GTF3C1: variants seen among roughly 807,000 people sequenced by gnomAD.
GTF3C1 encodes the protein general transcription factor IIIC subunit 1, also known as general transcription factor 3C polypeptide 1.
In GTF3C1, 57 loss-of-function variants were observed where a neutral mutation model predicts 226.7. The ratio of observed to expected loss-of-function variants is 0.25; its 90% CI spans 0.20 to 0.31. The LOEUF (loss-of-function observed/expected upper bound fraction) is 0.31. Among genes scored for constraint, GTF3C1 ranks in the 10% least tolerant of loss-of-function variants. The pLI is 1.00. For synonymous variants in GTF3C1, 1,090 were observed against 1,084.8 expected (o/e 1.00, Z -0.09); for missense variants, 2,217 against 2,776.1 (o/e 0.80, Z 4.53).
Position 27,489,169 on chromosome 16 carries a change from A to C in GTF3C1, c.3303T>G (p.Arg1101=), listed in dbSNP as rs1235135542. 6.2e-7 allele frequency: 1 copy of C among 1,614,106 alleles called. No individual in the cohort carries two copies. Among genetic ancestry groups the C allele is most frequent in the Admixed American group, 1.7e-5 (1 of 60,024 alleles). The change falls in exon 21 of 37, where the codon CGT becomes CGG. Residue 1101 remains arginine, a synonymous_variant. Coordinates refer to ENST00000356183, the MANE Select transcript of GTF3C1 (RefSeq NM_001520.4). Reference sequence around the variant, plus strand: ...GGATCAAGCCTTCATCCACCACCTCACGGCTTCCACTAAAAGACAGGAAAT... The same window carrying C: ...GGATCAAGCCTTCATCCACCACCTCCCGGCTTCCACTAAAAGACAGGAAAT... ...CAMLEYTTGS[R]EVVDEGLIPG...
rs199881803 is a variant in GTF3C1, at chr16:27,488,389, C to T, written c.3538G>A (p.Glu1180Lys). 20 of 1,612,596 alleles carry T rather than the reference C, an allele frequency of 1.2e-5. No homozygotes were observed. Among genetic ancestry groups the T allele is most frequent in the Non-Finnish European group, 1.5e-5 (18 of 1,178,634 alleles). ...CAGAGCTCGGAGCCTACTCTTGCTT[C>T]CCCCCAAATATTCAACCTGCTGTTG... ...RGNSRLNIWG[E>K]ARVGSELCAG... Residue 1180 changes from glutamate (E) to lysine (K), a missense_variant, in exon 23 of 37, where the codon GAA (glutamate) becomes AAA (lysine). This residue lies in a region of GTF3C1 where 546 missense variants were observed against 663.0 expected (regional missense o/e 0.82). Transcript: ENST00000356183.
intron 16 of GTF3C1, 27 bp from the exon 17 acceptor site, chr16:27,493,323 T>G: frequency 8.2e-7 from 1 of 1,218,196 alleles, no homozygotes; most frequent in African/African-American, 1.5e-5. Context: ...CAGGTTCAGC[T>G]CGCCCTGAGG....
In GTF3C1 at chr16:27,508,686, C is replaced by T. The variant is rs371121647; in HGVS notation, c.1127-31G>A. On this transcript the variant is annotated intron_variant, in intron 7 of 36. Transcript: ENST00000356183. ...AGAAACAATACACGTGAACCCAAACCGCTGCAAAGGAGCTGTTCTGCACAA... is the reference window on the plus strand; with the variant it reads ...AGAAACAATACACGTGAACCCAAACTGCTGCAAAGGAGCTGTTCTGCACAA... The T allele has an allele frequency of 2.0e-5, 30 of 1,511,912 alleles. No homozygotes were observed. The South Asian group carries it at 2.1e-4, about 11-fold the overall frequency. The allele number at this position is 1,511,912 out of a possible 1,614,324, so 93.7% of individuals were successfully genotyped here. A position where few individuals can be genotyped will look rare whatever the true frequency, so the allele number is the denominator to read the frequency against.
chr16:27,503,668 C>G (rs1752608070), intron 10 of GTF3C1, among the ~76,000 whole-genome samples: 1 of 152,220 alleles, frequency 6.6e-6, no homozygotes, highest in Non-Finnish European at 1.5e-5. Flanking sequence ...ATGTCTTTCT[C>G]TCTTAATGAG....
In GTF3C1 at chr16:27,469,965, G is replaced by T; in HGVS notation, c.4814+143C>A. 1.4e-6 allele frequency: 1 copy of T among 721,568 alleles called. No individual in the cohort carries two copies. The highest frequency in any genetic ancestry group is 2.4e-6 in the Non-Finnish European group (1 of 420,370). The allele number at this position is 721,568 out of a possible 1,614,324, so 44.7% of individuals were successfully genotyped here. A position where few individuals can be genotyped will look rare whatever the true frequency, so the allele number is the denominator to read the frequency against. On this transcript the variant is annotated intron_variant, in intron 31 of 36. Transcript: ENST00000356183. This position sits in a 1 kb window ranked among gnomAD's most constrained non-coding sequence, Gnocchi z 4.5. ...GGAGGCACCAGCAGAGGACACCTTA[G>T]ACACCGGCCTATAATCCCCAGTCAC...
In GTF3C1 at chr16:27,521,171, C is replaced by G. The variant is rs115304785; in HGVS notation, c.973+7427G>C. 7.0e-3 allele frequency among the ~76,000 whole-genome samples: 1,064 copies of G among 152,376 alleles called. 16 individuals are homozygous for G. The highest frequency in any genetic ancestry group is 0.024 in the African/African-American group (1,010 of 41,592). ...CACTGAGAAACATCCAGTCCCTGCA[C>G]TGGCCCCATGGATACCTCCGCTGCC... is the stretch of plus-strand genomic sequence containing the variant. On this transcript the variant is annotated intron_variant, in intron 6 of 36. Coordinates refer to ENST00000356183, the MANE Select transcript of GTF3C1 (RefSeq NM_001520.4).
At chr16:27,533,907 G>A (rs2088960297) in intron 4 of GTF3C1, among the ~76,000 whole-genome samples, 1 of 152,198 alleles carries the variant, frequency 6.6e-6, no homozygotes, top group African/African-American at 2.4e-5. Flanking sequence ...TTGGGAGGCT[G>A]AGGCAGGAGA....
At chr16:27,466,974 C>T (rs751328209) in intron 32 of GTF3C1, among the ~76,000 whole-genome samples, 3 of 152,198 alleles carry the variant, frequency 2.0e-5, no homozygotes, top group East Asian at 1.9e-4. Context: ...GGAAAGAAGC[C>T]GTCTCCGTAA....
At chr16:27,482,661 G>A in intron 26 of GTF3C1, 1 of 459,132 alleles carries the variant, frequency 2.2e-6, no homozygotes, top group Non-Finnish European at 4.4e-6. Flanking sequence ...TGGGTCAGCA[G>A]ACAGCTTCCC....
In GTF3C1 at chr16:27,464,422, C is replaced by G. The variant is rs753187366; in HGVS notation, c.5770G>C (p.Ala1924Pro). The G allele has an allele frequency of 6.9e-6, 11 of 1,604,006 alleles. No homozygotes were observed. Among genetic ancestry groups the G allele is most frequent in the Non-Finnish European group, 9.4e-6 (11 of 1,175,180 alleles). Residue 1924 changes from alanine (A) to proline (P), a missense_variant, in exon 34 of 37, where the codon GCA (alanine) becomes CCA (proline). Around this residue, in one of 12 missense-constraint regions of GTF3C1, gnomAD observed 455 missense variants for 441.9 expected, o/e 1.03. Transcript: ENST00000356183. ...ACACCCTCTTGGTCTTCCTGTGCTGCTCCCGCTGCAGCGGTGTCTTCAAGA... is the reference window on the plus strand; with the variant it reads ...ACACCCTCTTGGTCTTCCTGTGCTGGTCCCGCTGCAGCGGTGTCTTCAAGA... Reference protein sequence around the residue: ...PALEDTAAAGAAQEDQEGVGE... With the variant: ...PALEDTAAAGPAQEDQEGVGE...
In GTF3C1 at chr16:27,485,350, A is replaced by G. The variant is rs992698079; in HGVS notation, c.3858+647T>C. 2.6e-5 allele frequency among the ~76,000 whole-genome samples: 4 copies of G among 152,366 alleles called. No homozygotes were observed. The East Asian group carries it at 7.7e-4, about 29-fold the overall frequency. ...AGAGCTTTTTCCTGGAAGGCAAATA[A>G]GAGGTCTCGCTGCCTTGTGGACCAG... is the stretch of plus-strand genomic sequence containing the variant. On this transcript the variant is annotated intron_variant, in intron 24 of 36. Coordinates refer to ENST00000356183, the MANE Select transcript of GTF3C1 (RefSeq NM_001520.4).
At chr16:27,510,385 CA>C (rs936651401) in intron 7 of GTF3C1, among the ~76,000 whole-genome samples, 57 of 140,562 alleles carry the variant, frequency 4.1e-4, no homozygotes, top group Admixed American at 3.6e-4. Flanking sequence ...GACTCCATCT[CA>C]AAAAAAAAAA....
Position 27,538,280 on chromosome 16 carries a change from C to T in GTF3C1, c.508G>A (p.Asp170Asn), listed in dbSNP as rs1335913758. The T allele has an allele frequency of 2.5e-6, 4 of 1,608,468 alleles. No individual in the cohort carries two copies. Residue 170 changes from aspartate (D) to asparagine (N), a missense_variant, in exon 3 of 37, where the codon GAC (aspartate) becomes AAC (asparagine). Asp to Asn is a conservative substitution (Grantham distance 23, BLOSUM62 1). Around this residue, in one of 12 missense-constraint regions of GTF3C1, gnomAD observed 192 missense variants for 251.8 expected, o/e 0.76. Transcript: ENST00000356183. ...RALIGQEGDP[D>N]LKLPDFSYCI... The stretch of plus-strand genomic sequence containing the variant: ...TAGGAGAAGTCGGGCAGCTTCAGGT[C>T]GGGATCCCCCTCCTGGCCTATCAAG...
rs1297991344 is a variant in GTF3C1, at chr16:27,462,841, G to A, written c.5925-355C>T. 1.5e-5 allele frequency: 4 copies of A among 275,348 alleles called. No homozygotes were observed. Among genetic ancestry groups the A allele is most frequent in the East Asian group, 6.6e-5 (1 of 15,044 alleles). The allele number at this position is 275,348 out of a possible 1,614,324, so 17.1% of individuals were successfully genotyped here. The stretch of plus-strand genomic sequence containing the variant: ...ACCTCCAGGCTGTGGCAAAACTCAC[G>A]GGAGCGTGACCCTGAAGCTCTGCTC... On this transcript the variant is annotated intron_variant, in intron 35 of 36. Transcript: ENST00000356183. The surrounding 1 kb of genome is among the most constrained non-coding windows in gnomAD (Gnocchi z 4.5).
chr16:27,540,543 T>C lies in GTF3C1; in HGVS notation c.432-2187A>G, dbSNP rs531449683. 5.9e-5 allele frequency among the ~76,000 whole-genome samples: 9 copies of C among 152,340 alleles called. No homozygotes were observed. The South Asian group carries it at 1.9e-3, about 32-fold the overall frequency. On this transcript the variant is annotated intron_variant, in intron 2 of 36. Transcript: ENST00000356183. Reference sequence around the variant, plus strand: ...TAGCTGATTCAATAACTCCGGCTAGTTTTAATTTGCTGACTATGGTCATCT... The same window carrying C: ...TAGCTGATTCAATAACTCCGGCTAGCTTTAATTTGCTGACTATGGTCATCT...
chr16:27,494,874 G>T lies in GTF3C1; in HGVS notation c.2667C>A (p.Ile889=). ...AGTCCCTGTGGACTGGGATTGGGGG[G>T]ATGTAGCGCATCCACGAGGCATCGT... The part of the protein sequence containing the change: ...YVDDASWMRY[I]PPIPVHRDFG... Residue 889 remains isoleucine, a synonymous_variant, in exon 16 of 37, where the codon ATC becomes ATA. Coordinates refer to ENST00000356183, the MANE Select transcript of GTF3C1 (RefSeq NM_001520.4). 1 of 1,613,596 alleles carries T rather than the reference G, an allele frequency of 6.2e-7. No individual in the cohort carries two copies. The highest frequency in any genetic ancestry group is 8.5e-7 in the Non-Finnish European group (1 of 1,179,548).
At position 27,471,741 on chromosome 16, in the gene GTF3C1, T is replaced by C; in HGVS notation, c.4526+7A>G. The C allele has an allele frequency of 6.2e-7, 1 of 1,610,758 alleles. No homozygotes were observed. The highest frequency in any genetic ancestry group is 1.3e-5 in the African/African-American group (1 of 74,950). On this transcript the variant is annotated splice_region_variant and intron_variant, in intron 30 of 36. Coordinates refer to ENST00000356183, the MANE Select transcript of GTF3C1 (RefSeq NM_001520.4). This position sits in a 1 kb window ranked among gnomAD's most constrained non-coding sequence, Gnocchi z 5.0. Reference sequence around the variant, plus strand: ...CGGAGTACCCAAGGCTCCTGACAGGTACTCACCTGTAGTAGGTCTGGGATA... The same window carrying C: ...CGGAGTACCCAAGGCTCCTGACAGGCACTCACCTGTAGTAGGTCTGGGATA...
chr16:27,542,075 GATTT>G (rs1426884232), intron 2 of GTF3C1, among the ~76,000 whole-genome samples: 1 of 152,246 alleles, frequency 6.6e-6, no homozygotes, highest in African/African-American at 2.4e-5. Context: ...TCTGTGGGCA[GATTT>G]GGTCAGTTTG....
Position 27,463,294 on chromosome 16 carries a change from C to G in GTF3C1, c.5924+247G>C, listed in dbSNP as rs2087731866. The G allele has an allele frequency of 3.7e-6, 2 of 538,780 alleles. No homozygotes were observed. The allele number at this position is 538,780 out of a possible 1,614,324, so 33.4% of individuals were successfully genotyped here. A position where few individuals can be genotyped will look rare whatever the true frequency, so the allele number is the denominator to read the frequency against. On this transcript the variant is annotated intron_variant, in intron 35 of 36. Transcript: ENST00000356183. The surrounding 1 kb of genome is among the most constrained non-coding windows in gnomAD (Gnocchi z 4.9). Reference sequence around the variant, plus strand: ...TGACAGCACCAGGCATGGTTCTCCACCAGCGCCCTGGGCATTCTGGAAGCG... The same window carrying G: ...TGACAGCACCAGGCATGGTTCTCCAGCAGCGCCCTGGGCATTCTGGAAGCG...
Sources: gnomAD v4.1 joint callset for allele counts (sites outside exome capture counted in the v4.1 genomes callset) on GRCh38, gnomAD v4.1.1 for gene constraint, gnomAD v4.1.1 regional missense constraint, Gnocchi (gnomAD v3.1) non-coding constraint, MANE v1.5 for transcripts, NCBI Gene and HGNC (gene_info 2026-07-23, HGNC 2026-07-21) for gene names.